DCP2: variants seen among roughly 807,000 people sequenced by gnomAD.
DCP2 encodes the protein decapping mRNA 2.
Under a neutral mutation model 56.1 loss-of-function variants are expected in DCP2, and 30 were observed. The ratio of observed to expected loss-of-function variants is 0.53; its 90% CI spans 0.40 to 0.73. The LOEUF (loss-of-function observed/expected upper bound fraction) is 0.73. DCP2 is among the 30% of genes least tolerant of loss of function. DCP2 has a pLI of 0.00. For synonymous variants in DCP2, 197 were observed against 163.3 expected (o/e 1.21, Z -1.57); for missense variants, 533 against 502.7 (o/e 1.06, Z -0.58).
At chr5:112,994,052 C>G (rs1289725477) in intron 4 of DCP2, among the ~76,000 whole-genome samples, 19 of 151,866 alleles carry the variant, frequency 1.3e-4, no homozygotes. Context: ...CCTCCTCGGC[C>G]TCCCAAAGTG....
intron 2 of DCP2, among the ~76,000 whole-genome samples, chr5:112,988,842 A>G (rs1412216920): frequency 1.3e-5 from 2 of 152,228 alleles, no homozygotes; most frequent in Non-Finnish European, 2.9e-5. Flanking sequence ...GTCATTTTGT[A>G]TGGACTTACA....
intron 8 of DCP2, among the ~76,000 whole-genome samples, chr5:113,005,051 C>T (rs1319281174): frequency 6.6e-6 from 1 of 151,806 alleles, no homozygotes; most frequent in Non-Finnish European, 1.5e-5. Flanking sequence ...ATTGCTTGAA[C>T]TCGGGAAGCA....
chr5:113,010,481 C>G (rs1011306251), intron 9 of DCP2, among the ~76,000 whole-genome samples: 4 of 152,120 alleles, frequency 2.6e-5, no homozygotes, highest in Non-Finnish European at 4.4e-5. Context: ...GCTAGGATTA[C>G]AGGCATGAGC....
At chr5:112,997,968 T>A (rs1007313611) in intron 4 of DCP2, among the ~76,000 whole-genome samples, 3 of 152,212 alleles carry the variant, frequency 2.0e-5, no homozygotes, top group African/African-American at 4.8e-5. Flanking sequence ...TGCTAACATT[T>A]GAGAAGTTGA....
At chr5:113,009,574 G>T (rs1285186842) in intron 9 of DCP2, among the ~76,000 whole-genome samples, 1 of 152,130 alleles carries the variant, frequency 6.6e-6, no homozygotes, top group East Asian at 1.9e-4. Flanking sequence ...CTACAAAAGT[G>T]TTCACTTTTT....
rs1321352701 is a variant in DCP2 at position 112,989,105 on chromosome 5, G to T, written c.206-3016G>T. 3.3e-5 allele frequency among the ~76,000 whole-genome samples: 5 copies of T among 152,314 alleles called. No individual in the cohort carries two copies. In the East Asian group the frequency reaches 9.7e-4, roughly 29 times the overall value. On this transcript the variant is annotated intron_variant, in intron 2 of 10. Coordinates refer to ENST00000389063, the MANE Select transcript of DCP2 (RefSeq NM_152624.6). ...AGAGTAGACTCAGTATCTTCAAGAA[G>T]ATGAGAAAAGACAGGAAAGGAAATG...
chr5:113,005,957 A>C (rs1373309102), intron 8 of DCP2, among the ~76,000 whole-genome samples: 1 of 151,884 alleles, frequency 6.6e-6, no homozygotes, highest in Non-Finnish European at 1.5e-5. Flanking sequence ...GCATGTCTCT[A>C]CTACTAAAAA....
chr5:113,000,409 CA>C (rs1174978803), intron 4 of DCP2, among the ~76,000 whole-genome samples: 5 of 96,310 alleles, frequency 5.2e-5, no homozygotes, highest in Non-Finnish European at 1.1e-4. Flanking sequence ...TACACACACA[CA>C]CACACACACA....
chr5:113,011,454 C>A (rs761917879), intron 10 of DCP2, among the ~76,000 whole-genome samples: 1 of 152,130 alleles, frequency 6.6e-6, no homozygotes, highest in Non-Finnish European at 1.5e-5. Flanking sequence ...CTTGGAAGTG[C>A]AGTAGACTTT....
rs953733276 is a variant in DCP2, at chr5:113,015,634, G to A, written c.*2150G>A. The A allele has an allele frequency of 1.3e-5, 2 of 152,540 alleles. No homozygotes were observed. The highest frequency in any genetic ancestry group is 1.3e-4 in the Admixed American group (2 of 15,270). The allele number at this position is 152,540 out of a possible 1,614,324, so 9.4% of individuals were successfully genotyped here. A position where few individuals can be genotyped will look rare whatever the true frequency, so the allele number is the denominator to read the frequency against. ...TTGGGGTGTGATTATGATAACTTCA[G>A]GCTTTTAGCTCTCCTCAAAGTTTGA... On this transcript the variant is annotated 3_prime_UTR_variant, in exon 11 of 11. Coordinates refer to ENST00000389063, the MANE Select transcript of DCP2 (RefSeq NM_152624.6).
At position 113,008,035 on chromosome 5, in the gene DCP2, C is replaced by G. The variant is rs1257397599; in HGVS notation, c.1040C>G (p.Ser347Cys). The change falls in exon 9 of 11, where the codon TCT (serine) becomes TGT (cysteine). Residue 347 changes from serine (S) to cysteine (C), a missense_variant. Physicochemically the swap from Ser to Cys is moderately radical, Grantham distance 112. Around this residue, in one of 3 missense-constraint regions of DCP2, gnomAD observed 392 missense variants for 346.6 expected, o/e 1.13. Transcript: ENST00000389063. Reference protein sequence around the residue: ...NGLQPAKQQNSLMKCEKKLHP... With the variant: ...NGLQPAKQQNCLMKCEKKLHP... ...CTTCAGCCAGCAAAGCAGCAGAATT[C>G]TTTGATGGTAAGAGTTATAGCTGTC... 5.0e-6 allele frequency: 8 copies of G among 1,613,560 alleles called. No individual in the cohort carries two copies. The highest frequency in any genetic ancestry group is 6.8e-6 in the Non-Finnish European group (8 of 1,179,604).
Position 113,021,881 on chromosome 5 carries a change from T to TAA in DCP2, c.*8398_*8399dup, listed in dbSNP as rs1554103082. 2.0e-5 allele frequency among the ~76,000 whole-genome samples: 3 copies of TAA among 152,240 alleles called. No homozygotes were observed. Among genetic ancestry groups the TAA allele is most frequent in the African/African-American group, 7.2e-5 (3 of 41,470 alleles). On this transcript the variant is annotated 3_prime_UTR_variant, in exon 11 of 11. Transcript: ENST00000389063. ...AGGGGAAAAGACTCTCTTCAATAGA[T>TAA]AACTTCCTATTTATGCCAAATTTTA...
intron 8 of DCP2, among the ~76,000 whole-genome samples, chr5:113,007,564 A>G (rs1303757116): frequency 2.0e-5 from 3 of 151,664 alleles, no homozygotes; most frequent in Non-Finnish European, 4.4e-5. Flanking sequence ...CCATGCCCGG[A>G]TAAGTTTTTG....
At chr5:112,992,863 T>TTAA in intron 4 of DCP2, 93 bp downstream of exon 4, 1 of 874,658 alleles carries the variant, frequency 1.1e-6, no homozygotes. Context: ...TTGGACTGTC[T>TTAA]TAACCCTTTC....
intron 7 of DCP2, among the ~76,000 whole-genome samples, chr5:113,001,902 A>G (rs1312999943): frequency 6.6e-6 from 1 of 152,196 alleles, no homozygotes; most frequent in Non-Finnish European, 1.5e-5. Flanking sequence ...TAGTATACTC[A>G]AGAGGATACC....
At position 113,021,298 on chromosome 5, in the gene DCP2, C is replaced by G. The variant is rs1474818549; in HGVS notation, c.*7814C>G. Among the ~76,000 whole-genome samples the G allele has an allele frequency of 1.4e-5, 2 of 147,190 alleles. No homozygotes were observed. Among genetic ancestry groups the G allele is most frequent in the Non-Finnish European group, 3.0e-5 (2 of 67,532 alleles). The stretch of plus-strand genomic sequence containing the variant: ...AGGAGAATCTCTTGACCCCGGGAGG[C>G]AGAGGTCGCAGTGAGCTGAGATCAC... On this transcript the variant is annotated 3_prime_UTR_variant, in exon 11 of 11. Coordinates refer to ENST00000389063, the MANE Select transcript of DCP2 (RefSeq NM_152624.6).
Position 113,005,151 on chromosome 5 carries a change from G to GGTGTGTGGGTGTGT in DCP2, c.942+1081_942+1082insGGTGTGTGTGTGTG, listed in dbSNP as rs70973659. 8.3e-3 allele frequency among the ~76,000 whole-genome samples: 1,236 copies of GGTGTGTGGGTGTGT among 149,502 alleles called. 10 individuals are homozygous for GGTGTGTGGGTGTGT. The highest frequency in any genetic ancestry group is 0.021 in the African/African-American group (855 of 40,442). On this transcript the variant is annotated intron_variant, in intron 8 of 10. Transcript: ENST00000389063. The stretch of plus-strand genomic sequence containing the variant: ...TCTCAAAAAAAAAAGTGTGCGTGTG[G>GGTGTGTGGGTGTGT]GTGTGTGTGTGTGTGTGTAAACTGG...
chr5:112,984,701 A>ATTATAT, intron 1 of DCP2: 1 of 79,560 alleles, frequency 1.3e-5, no homozygotes, highest in South Asian at 3.8e-4. Flanking sequence ...AAAAAAAAAA[A>ATTATAT]AAATATATAT....
chr5:113,000,289 A>AAT (rs1467866633), intron 4 of DCP2, among the ~76,000 whole-genome samples: 119 of 128,530 alleles, frequency 9.3e-4, no homozygotes, highest in African/African-American at 3.4e-3. Flanking sequence ...ACTGGTCTCG[A>AAT]ACACCTGGGC....
Sources: allele counts gnomAD v4.1 joint callset (sites outside exome capture counted in the v4.1 genomes callset), GRCh38; gene constraint gnomAD v4.1.1; regional missense constraint gnomAD v4.1.1; transcripts MANE v1.5; gene names NCBI Gene and HGNC (gene_info 2026-07-23, HGNC 2026-07-21).